The following DPP7 variants were observed in gnomAD, a reference collection of about 807,000 sequenced individuals.
DPP7 encodes dipeptidyl peptidase 7, also known as dipeptidyl peptidase 2.
A neutral mutation model predicts 58.8 loss-of-function variants in DPP7; 74 were observed. That is an observed-to-expected ratio of 1.26 (90% CI 1.04 to 1.53). The LOEUF is 1.53. Ranked by LOEUF, DPP7 falls within the 40% of genes most tolerant of loss-of-function variation. The pLI is 0.00. For synonymous variants in DPP7, 350 were observed against 303.6 expected, an observed-to-expected ratio of 1.15 and a Z score of -1.59; for missense variants, 807 against 692.3, an observed-to-expected ratio of 1.17 and a Z score of -1.86.
At chr9:137,115,514 C>T (rs866041762), upstream of DPP7, among the ~76,000 whole-genome samples, 6 of 152,276 alleles carry the variant, frequency 3.9e-5, no homozygotes, top group East Asian at 7.7e-4. Flanking sequence ...GTACATGGGC[C>T]GCTAGCCAGG....
Position 137,113,437 on chromosome 9 carries a change from G to A in DPP7, c.545C>T (p.Ala182Val), listed in dbSNP as rs568219567. The change falls in exon 5 of 13, where the codon GCG becomes GTG. Residue 182 changes from alanine (A) to valine (V), a missense_variant. By Grantham distance (64) the Ala-to-Val change is moderately conservative. Transcript: ENST00000371579. The part of the protein sequence containing the change: ...RMKYPHLVAG[A>V]LAASAPVLAV... ...TAGAACGGGCGCGCTGGCCGCCAGC[G>A]CCCCCGCCACCAGGTGGGGATACTT... 7.5e-6 allele frequency: 12 copies of A among 1,600,832 alleles called. No individual in the cohort carries two copies. The East Asian group carries it at 1.3e-4, about 18-fold the overall frequency.
Position 137,113,100 on chromosome 9 carries a change from C to T in DPP7, c.723G>A (p.Trp241Ter), listed in dbSNP as rs1311710339. The part of the protein sequence containing the change: ...FLQGAYDTVR[W>*]EFGTCQPLSD... ...ACAGCGGCTGGCAGGTGCCGAACTC[C>T]CAGCGGACCGTGTCGTAGGCTGCGT... The change falls in exon 7 of 13, where the codon TGG becomes TGA. Residue 241 changes from tryptophan to a stop codon, truncating the protein, a stop_gained. Coordinates refer to ENST00000371579, the MANE Select transcript of DPP7 (RefSeq NM_013379.3). LOFTEE classifies it high-confidence loss of function. 2.5e-6 allele frequency: 4 copies of T among 1,613,682 alleles called. No homozygotes were observed. Among genetic ancestry groups the T allele is most frequent in the Non-Finnish European group, 3.4e-6 (4 of 1,180,034 alleles).
rs771308357 is a variant in DPP7, at chr9:137,112,738, A to G, written c.931+7T>C. On this transcript the variant is annotated splice_region_variant and intron_variant, in intron 8 of 12. Coordinates refer to ENST00000371579, the MANE Select transcript of DPP7 (RefSeq NM_013379.3). ...CACTTGCCCATCTGGGGCCGGGGGA[A>G]GGGCACCTGCCAGTGCTCGCAGCCC... The G allele has an allele frequency of 2.5e-6, 4 of 1,595,672 alleles. No individual in the cohort carries two copies. Among genetic ancestry groups the G allele is most frequent in the Non-Finnish European group, 3.4e-6 (4 of 1,174,810 alleles).
intron 8 of DPP7, 165 bp downstream of exon 8, chr9:137,112,580 C>T (rs972514375): frequency 2.3e-6 from 2 of 872,812 alleles, no homozygotes; most frequent in Non-Finnish European, 3.4e-6. Flanking sequence ...CGGCCCCTGC[C>T]TCCCCCAGGG....
At chr9:137,117,214 G>A (rs1380375615), upstream of DPP7, among the ~76,000 whole-genome samples, 1 of 152,190 alleles carries the variant, frequency 6.6e-6, no homozygotes, top group East Asian at 1.9e-4. Context: ...GTGTGGAGGG[G>A]CTGGCCACCC....
chr9:137,114,563 C>T lies in DPP7; in HGVS notation c.81G>A (p.Pro27=), dbSNP rs770874203. The T allele has an allele frequency of 1.9e-6, 3 of 1,548,044 alleles. No individual in the cohort carries two copies. Among genetic ancestry groups the T allele is most frequent in the Non-Finnish European group, 1.7e-6 (2 of 1,148,448 alleles). ...RGLQAGARRA[P]DPGFQERFFQ... Reference sequence around the variant, plus strand: ...AGAAGCGCTCCTGGAAGCCGGGGTCCGGGGCCCTGCGGGCTGTGGGGGGAC... The same window carrying T: ...AGAAGCGCTCCTGGAAGCCGGGGTCTGGGGCCCTGCGGGCTGTGGGGGGAC... The change falls in exon 2 of 13, where the codon CCG becomes CCA. Residue 27 remains proline, a synonymous_variant. Coordinates refer to ENST00000371579, the MANE Select transcript of DPP7 (RefSeq NM_013379.3).
Position 137,114,043 on chromosome 9 carries a change from C to T in DPP7, c.322-15G>A. 7.2e-7 allele frequency: 1 copy of T among 1,389,836 alleles called. No homozygotes were observed. Among genetic ancestry groups the T allele is most frequent in the Non-Finnish European group, 9.4e-7 (1 of 1,062,256 alleles). 86.1% of individuals were successfully genotyped at this position (1,389,836 alleles called of 1,614,324 possible). ...CCGTAGTAGCGCTGGGGGAACGTGCCATTGAGCCCGGCCCCGCGACCCCGC... is the reference window on the plus strand; with the variant it reads ...CCGTAGTAGCGCTGGGGGAACGTGCTATTGAGCCCGGCCCCGCGACCCCGC... On this transcript the variant is annotated splice_polypyrimidine_tract_variant and intron_variant, in intron 3 of 12. Transcript: ENST00000371579.
chr9:137,114,663 G>C lies in DPP7; in HGVS notation c.51C>G (p.Arg17=). 1 of 1,365,144 alleles carries C rather than the reference G, an allele frequency of 7.3e-7. No individual in the cohort carries two copies. Among genetic ancestry groups the C allele is most frequent in the Non-Finnish European group, 9.4e-7 (1 of 1,060,454 alleles). The allele number at this position is 1,365,144 out of a possible 1,614,324, so 84.6% of individuals were successfully genotyped here. A position where few individuals can be genotyped will look rare whatever the true frequency, so the allele number is the denominator to read the frequency against. ...GCCACTCACCCCCCGCCTGGAGGCC[G>C]CGCAGCCCGAGCGCCAGCAGCAGGA... ...APVLLLALGL[R]GLQAGARRAP... Residue 17 remains arginine (R), a synonymous_variant, in exon 1 of 13, where the codon CGC becomes CGG. Coordinates refer to ENST00000371579, the MANE Select transcript of DPP7 (RefSeq NM_013379.3).
At position 137,111,882 on chromosome 9, in the gene DPP7, A is replaced by G; in HGVS notation, c.1198T>C (p.Trp400Arg). 1 of 1,054,754 alleles carries G rather than the reference A, an allele frequency of 9.5e-7. No individual in the cohort carries two copies. The highest frequency in any genetic ancestry group is 1.4e-6 in the Non-Finnish European group (1 of 730,786). 65.3% of individuals were successfully genotyped at this position (1,054,754 alleles called of 1,614,324 possible). A position where few individuals can be genotyped will look rare whatever the true frequency, so the allele number is the denominator to read the frequency against. The change falls in exon 10 of 13, where the codon TGG becomes CGG. Residue 400 changes from tryptophan to arginine, a missense_variant. Transcript: ENST00000371579. ...CCCCCCTCAGCCTTACCACCCCCCC[A>G]GAAGCTGGTCAGCAGCCAGTCGGGC... ...PRPDWLLTSF[W>R]GGDLRAASNI...
upstream of DPP7, among the ~76,000 whole-genome samples, chr9:137,116,677 G>A (rs1380045559): frequency 6.6e-6 from 1 of 152,362 alleles, no homozygotes; most frequent in Admixed American, 6.5e-5. Flanking sequence ...CCCATAAAGG[G>A]TCTGTGCTGA....
In DPP7 at chr9:137,113,762, G is replaced by A. The variant is rs1437177635; in HGVS notation, c.485+103C>T. On this transcript the variant is annotated intron_variant, in intron 4 of 12. Transcript: ENST00000371579. Reference sequence around the variant, plus strand: ...CTGGAACCACTGCCTGAGGCCTTACGAAAAGGCAGCGGTGGGAGTCAGAGG... The same window carrying A: ...CTGGAACCACTGCCTGAGGCCTTACAAAAAGGCAGCGGTGGGAGTCAGAGG... 8 of 1,365,512 alleles carry A rather than the reference G, an allele frequency of 5.9e-6. No homozygotes were observed. In the African/African-American group the frequency reaches 7.6e-5, roughly 13 times the overall value. The allele number at this position is 1,365,512 out of a possible 1,614,324, so 84.6% of individuals were successfully genotyped here. A position where few individuals can be genotyped will look rare whatever the true frequency, so the allele number is the denominator to read the frequency against.
At position 137,113,039 on chromosome 9, in the gene DPP7, C is replaced by A; in HGVS notation, c.784G>T (p.Ala262Ser). The A allele has an allele frequency of 6.2e-7, 1 of 1,613,820 alleles. No homozygotes were observed. The highest frequency in any genetic ancestry group is 8.5e-7 in the Non-Finnish European group (1 of 1,180,020). ...EKDLTQLFMF[A>S]RNAFTVLAMM... ...GCCAGCACGGTGAAGGCATTCCGGG[C>A]GAACATGAAGAGCTGGGTCAGGTCC... Residue 262 changes from alanine (A) to serine (S), a missense_variant, in exon 7 of 13, where the codon GCC becomes TCC. Physicochemically the swap from Ala to Ser is moderately conservative, Grantham distance 99. Around this residue, in one of 3 missense-constraint regions of DPP7, gnomAD observed 624 missense variants for 531.2 expected, o/e 1.17. Coordinates refer to ENST00000371579, the MANE Select transcript of DPP7 (RefSeq NM_013379.3).
chr9:137,113,525 C>A (rs1588666563), intron 4 of DPP7, 29 bp from the exon 5 acceptor site: 1 of 1,521,422 alleles, frequency 6.6e-7, no homozygotes, highest in Admixed American at 2.2e-5. Context: ...GTTAGGGCTG[C>A]TGCCCCCAAC....
chr9:137,111,860 C>A lies in DPP7; in HGVS notation c.1207+13G>T, dbSNP rs774736108. ...AGAAAGCAGGACGCTGGCCCACCCCCCCTCAGCCTTACCACCCCCCCAGAA... is the reference window on the plus strand; with the variant it reads ...AGAAAGCAGGACGCTGGCCCACCCCACCTCAGCCTTACCACCCCCCCAGAA... On this transcript the variant is annotated intron_variant, in intron 10 of 12. Transcript: ENST00000371579. 2 of 1,487,546 alleles carry A rather than the reference C, an allele frequency of 1.3e-6. No individual in the cohort carries two copies. The highest frequency in any genetic ancestry group is 1.1e-5 in the South Asian group (1 of 88,416). The allele number at this position is 1,487,546 out of a possible 1,614,324, so 92.1% of individuals were successfully genotyped here.
At chr9:137,118,225 T>A (rs895002159), upstream of DPP7, among the ~76,000 whole-genome samples, 2 of 152,040 alleles carry the variant, frequency 1.3e-5, no homozygotes, top group African/African-American at 4.8e-5. Context: ...TGACCTCAGA[T>A]GATCTGTCAG....
intron 4 of DPP7, 21 bp downstream of exon 4, chr9:137,113,844 G>C (rs1258449686): frequency 1.4e-6 from 2 of 1,470,508 alleles, no homozygotes; most frequent in Non-Finnish European, 1.8e-6. Flanking sequence ...AGGGGGTGCG[G>C]AGGCCGGGGG....
chr9:137,113,546 C>T (rs1260552611), intron 4 of DPP7, 50 bp from the exon 5 acceptor site: 5 of 1,509,184 alleles, frequency 3.3e-6, no homozygotes, highest in Admixed American at 2.3e-5. Flanking sequence ...ACCCCATTTC[C>T]TCTTTTCCTC....
At position 137,114,041 on chromosome 9, in the gene DPP7, G is replaced by C. The variant is rs1831512993; in HGVS notation, c.322-13C>G. On this transcript the variant is annotated splice_polypyrimidine_tract_variant and intron_variant, in intron 3 of 12. Transcript: ENST00000371579. ...TCCCGTAGTAGCGCTGGGGGAACGT[G>C]CCATTGAGCCCGGCCCCGCGACCCC... 1 of 1,401,276 alleles carries C rather than the reference G, an allele frequency of 7.1e-7. No individual in the cohort carries two copies. The highest frequency in any genetic ancestry group is 9.4e-7 in the Non-Finnish European group (1 of 1,067,850). The allele number at this position is 1,401,276 out of a possible 1,614,324, so 86.8% of individuals were successfully genotyped here. A position where few individuals can be genotyped will look rare whatever the true frequency, so the allele number is the denominator to read the frequency against.
At position 137,110,942 on chromosome 9, in the gene DPP7, C is replaced by T. The variant is rs1300948898; in HGVS notation, c.1281G>A (p.Arg427=). Residue 427 remains arginine (R), a synonymous_variant, in exon 12 of 13, where the codon AGG becomes AGA. Coordinates refer to ENST00000371579, the MANE Select transcript of DPP7 (RefSeq NM_013379.3). ...CGGCGATGACTGAGGCACTCAGGTT[C>T]CTCCGAATCTGTGGTCAGTGGAAAG... ...LDPWAGGGIR[R]NLSASVIAVT... 6.2e-7 allele frequency: 1 copy of T among 1,613,076 alleles called. No homozygotes were observed. Among genetic ancestry groups the T allele is most frequent in the South Asian group, 1.1e-5 (1 of 91,030 alleles).
Sources: allele counts gnomAD v4.1 joint callset (sites outside exome capture counted in the v4.1 genomes callset), GRCh38; gene constraint gnomAD v4.1.1; regional missense constraint gnomAD v4.1.1; transcripts MANE v1.5; gene names NCBI Gene and HGNC (gene_info 2026-07-23, HGNC 2026-07-21).